The following KCNIP4 variants were observed in gnomAD, a reference collection of about 807,000 sequenced individuals.
The protein encoded by KCNIP4 is potassium voltage-gated channel interacting protein 4, also known as Kv channel-interacting protein 4.
In KCNIP4, 12 loss-of-function variants were observed where a neutral mutation model predicts 34.0. That is an observed-to-expected ratio of 0.35 (90% confidence interval 0.23 to 0.57). KCNIP4 has a LOEUF of 0.57. Ranked by LOEUF, KCNIP4 falls within the 20% of genes least tolerant of loss-of-function variation. The pLI, the probability that KCNIP4 is intolerant of heterozygous loss-of-function variation, is 0.83. For missense variants in KCNIP4, 238 were observed against 311.7 expected (o/e 0.76, Z 1.78); for synonymous variants, 124 against 102.2 (o/e 1.21, Z -1.29).
At chr4:21,359,437 A>G (rs1390098233) in intron 1 of KCNIP4, among the ~76,000 whole-genome samples, 1 of 152,116 alleles carries the variant, frequency 6.6e-6, no homozygotes, top group East Asian at 1.9e-4. Context: ...ATATGTATAT[A>G]TTATATTCTC....
intron 1 of KCNIP4, among the ~76,000 whole-genome samples, chr4:20,905,687 A>T (rs1873531): frequency 0.012 from 1,830 of 149,210 alleles, 18 homozygotes; most frequent in African/African-American, 0.017. Flanking sequence ...AAGTTTTGAA[A>T]TTTTTTTTTT....
At chr4:21,440,471 C>A (rs1450542000) in intron 1 of KCNIP4, among the ~76,000 whole-genome samples, 1 of 152,144 alleles carries the variant, frequency 6.6e-6, no homozygotes, top group Non-Finnish European at 1.5e-5. Flanking sequence ...ATTTTATTTG[C>A]CCTATTCTCT....
At chr4:20,937,672 C>T (rs954138553) in intron 1 of KCNIP4, among the ~76,000 whole-genome samples, 2 of 152,168 alleles carry the variant, frequency 1.3e-5, no homozygotes, top group African/African-American at 4.8e-5. Flanking sequence ...AGCACCAAAA[C>T]CTCTTCAAGT....
intron 1 of KCNIP4, among the ~76,000 whole-genome samples, chr4:21,908,115 T>C (rs2081051522): frequency 6.6e-6 from 1 of 152,126 alleles, no homozygotes; most frequent in African/African-American, 2.4e-5. Flanking sequence ...CCAAGCAAAG[T>C]TCACAATTCT....
chr4:21,605,456 CA>C (rs1359857500), intron 1 of KCNIP4, among the ~76,000 whole-genome samples: 1 of 152,108 alleles, frequency 6.6e-6, no homozygotes, highest in Non-Finnish European at 1.5e-5. Context: ...TGCCCAATCT[CA>C]AACATTCTAT....
chr4:21,136,979 C>CTGCA (rs1751546766), intron 1 of KCNIP4, among the ~76,000 whole-genome samples: 1 of 152,144 alleles, frequency 6.6e-6, no homozygotes, highest in African/African-American at 2.4e-5. Flanking sequence ...CCTTCCTTAA[C>CTGCA]TGCACACTGT....
At chr4:21,495,748 T>C (rs770532331) in intron 1 of KCNIP4, among the ~76,000 whole-genome samples, 13 of 152,282 alleles carry the variant, frequency 8.5e-5, no homozygotes, top group Non-Finnish European at 1.5e-4. Flanking sequence ...TCTCTATTTC[T>C]TCCACAAGAG....
chr4:21,293,910 A>G (rs528994947), intron 1 of KCNIP4, among the ~76,000 whole-genome samples: 1 of 152,246 alleles, frequency 6.6e-6, no homozygotes, highest in Admixed American at 6.5e-5. Context: ...ATCTAGCCCT[A>G]TCTGGGAGGC....
intron 1 of KCNIP4, among the ~76,000 whole-genome samples, chr4:21,810,689 CAA>C (rs397992521): frequency 0.01 from 1,087 of 107,528 alleles, 25 homozygotes; most frequent in African/African-American, 0.027. Flanking sequence ...GACTCCGTCT[CAA>C]AAAAAAAAAA....
intron 1 of KCNIP4, among the ~76,000 whole-genome samples, chr4:21,636,402 T>G (rs944285341): frequency 3.9e-5 from 6 of 152,100 alleles, no homozygotes; most frequent in Non-Finnish European, 8.8e-5. Flanking sequence ...TTCCTAAAAC[T>G]ATTACTTGAA....
intron 1 of KCNIP4, among the ~76,000 whole-genome samples, chr4:21,371,969 A>G (rs924754241): frequency 2.7e-5 from 4 of 147,204 alleles, no homozygotes; most frequent in Non-Finnish European, 5.9e-5. Context: ...ACACATATAT[A>G]TTGTAAATAA....
intron 1 of KCNIP4, among the ~76,000 whole-genome samples, chr4:21,211,563 C>T (rs973825169): frequency 1.1e-4 from 17 of 152,058 alleles, no homozygotes; most frequent in African/African-American, 3.6e-4. Context: ...CCTCCACTGT[C>T]GCCTAGGTGG....
At chr4:21,806,202 C>T (rs1721282742) in intron 1 of KCNIP4, among the ~76,000 whole-genome samples, 1 of 152,126 alleles carries the variant, frequency 6.6e-6, no homozygotes, top group Non-Finnish European at 1.5e-5. Flanking sequence ...AGGTACAGTC[C>T]CACAAAAGTT....
At chr4:21,389,631 T>G (rs949922963) in intron 1 of KCNIP4, among the ~76,000 whole-genome samples, 1 of 151,962 alleles carries the variant, frequency 6.6e-6, no homozygotes, top group African/African-American at 2.4e-5. Flanking sequence ...GGCCATGAAC[T>G]CATCCTTTTT....
chr4:20,919,126 A>T (rs1419105699), intron 1 of KCNIP4, among the ~76,000 whole-genome samples: 2 of 152,192 alleles, frequency 1.3e-5, no homozygotes, highest in Non-Finnish European at 1.5e-5. Flanking sequence ...TTATAACAGC[A>T]ACAGGTATAT....
At chr4:20,741,453 C>G (rs1042455794) in intron 5 of KCNIP4, among the ~76,000 whole-genome samples, 8 of 152,186 alleles carry the variant, frequency 5.3e-5, no homozygotes, top group Admixed American at 2.0e-4. Flanking sequence ...ACTGAACAAC[C>G]TGCTCCTGAA....
At chr4:21,459,017 A>T (rs1729215137) in intron 1 of KCNIP4, among the ~76,000 whole-genome samples, 1 of 151,888 alleles carries the variant, frequency 6.6e-6, no homozygotes, top group Admixed American at 6.6e-5. Flanking sequence ...CTACGTTATC[A>T]CTGTTTTTAA....
intron 1 of KCNIP4, among the ~76,000 whole-genome samples, chr4:21,278,691 C>T (rs988079950): frequency 1.3e-5 from 2 of 152,000 alleles, no homozygotes; most frequent in Admixed American, 6.6e-5. Context: ...CCTGAGGAGA[C>T]CTAGAGAACA....
At chr4:21,589,198 ATATG>A (rs67480525) in intron 1 of KCNIP4, among the ~76,000 whole-genome samples, 3,623 of 27,374 alleles carry the variant, frequency 0.13, 30 homozygotes, top group East Asian at 0.24. Flanking sequence ...ATATATATAT[ATATG>A]TGTACATATA....
Sources: gnomAD v4.1 joint callset for allele counts (sites outside exome capture counted in the v4.1 genomes callset) on GRCh38, gnomAD v4.1.1 for gene constraint, MANE v1.5 for transcripts, NCBI Gene and HGNC (gene_info 2026-07-23, HGNC 2026-07-21) for gene names.